Variants in ZNF610 observed in about 807,000 individuals in gnomAD.
The protein encoded by ZNF610 is zink finger protein.
Under a neutral mutation model 14.1 loss-of-function variants are expected in ZNF610, and 14 were observed. The observed-to-expected ratio is 0.99, with a 90% CI of 0.65 to 1.55. The LOEUF is 1.55. ZNF610 is among the 40% of genes most tolerant of loss of function. The pLI is 0.00. For missense variants in ZNF610, 530 were observed against 558.0 expected, an observed-to-expected ratio of 0.95 and a Z score of 0.51; for synonymous variants, 185 against 187.6, an observed-to-expected ratio of 0.99 and a Z score of 0.11.
Position 52,353,778 on chromosome 19 carries a change from T to C in ZNF610, c.160T>C (p.Leu54=), listed in dbSNP as rs747423647. ...GQRALYRDVM[L]ENYRNLVFLG... The stretch of plus-strand genomic sequence containing the variant: ...GAGGGCTTTATACAGGGACGTGATG[T>C]TGGAGAACTACAGGAACCTGGTCTT... Residue 54 remains leucine, a synonymous_variant, in exon 4 of 6, where the codon TTG becomes CTG. Transcript: ENST00000403906. 6 of 1,613,218 alleles carry C rather than the reference T, an allele frequency of 3.7e-6. No homozygotes were observed. In the South Asian group the frequency reaches 6.6e-5, roughly 18 times the overall value.
At chr19:52,361,967 T>C (rs1205713602) in intron 5 of ZNF610, among the ~76,000 whole-genome samples, 2 of 152,204 alleles carry the variant, frequency 1.3e-5, no homozygotes, top group East Asian at 1.9e-4. Context: ...GTCTCCCACA[T>C]TGGAGTGCAG....
upstream of ZNF610, among the ~76,000 whole-genome samples, chr19:52,334,492 A>C (rs1304089867): frequency 6.9e-6 from 1 of 144,362 alleles, no homozygotes. Context: ...CAGCATGGGT[A>C]TTGGAGTGAG....
chr19:52,347,981 T>C (rs148205849), intron 2 of ZNF610, 37 bp downstream of exon 2: 87 of 152,338 alleles, frequency 5.7e-4, no homozygotes, highest in African/African-American at 1.9e-3. Context: ...TTTTTAAACA[T>C]GTATATCATA....
intron 3 of ZNF610, among the ~76,000 whole-genome samples, chr19:52,350,164 A>G (rs1985182083): frequency 6.6e-6 from 1 of 152,172 alleles, no homozygotes; most frequent in Non-Finnish European, 1.5e-5. Flanking sequence ...TGGAAATTAT[A>G]TTCATTCTTG....
At chr19:52,362,306 G>T (rs1398191116) in intron 5 of ZNF610, among the ~76,000 whole-genome samples, 2 of 152,268 alleles carry the variant, frequency 1.3e-5, no homozygotes, top group African/African-American at 4.8e-5. Context: ...AGCCACTGGG[G>T]CGGCTGAGGC....
chr19:52,336,970 A>G (rs886085708), intron 1 of ZNF610, among the ~76,000 whole-genome samples: 1 of 152,080 alleles, frequency 6.6e-6, no homozygotes, highest in African/African-American at 2.4e-5. Context: ...AGTGGCAGGA[A>G]ATAGAAAAAT....
Position 52,366,831 on chromosome 19 carries a change from C to T in ZNF610, c.*64C>T. The T allele has an allele frequency of 1.5e-6, 2 of 1,299,792 alleles. No individual in the cohort carries two copies. Among genetic ancestry groups the T allele is most frequent in the South Asian group, 2.8e-5 (2 of 71,006 alleles). The allele number at this position is 1,299,792 out of a possible 1,614,324, so 80.5% of individuals were successfully genotyped here. On this transcript the variant is annotated 3_prime_UTR_variant, in exon 6 of 6. Transcript: ENST00000403906. ...AACATTGGAGGACTCAGGAGAAAAA[C>T]CTTACAAATATCATAAATGTGGCAA...
At chr19:52,358,476 C>T (rs1312170467) in intron 5 of ZNF610, among the ~76,000 whole-genome samples, 1 of 152,224 alleles carries the variant, frequency 6.6e-6, no homozygotes, top group Non-Finnish European at 1.5e-5. Context: ...GCCACTGCGC[C>T]TGGCCTCCTT....
rs778284593 is a variant in ZNF610, at chr19:52,366,244, A to G, written c.866A>G (p.Lys289Arg). 8 of 1,613,344 alleles carry G rather than the reference A, an allele frequency of 5.0e-6. No individual in the cohort carries two copies. The highest frequency in any genetic ancestry group is 6.8e-6 in the Non-Finnish European group (8 of 1,179,432). Residue 289 changes from lysine (K) to arginine (R), a missense_variant, in exon 6 of 6, where the codon AAA (lysine) becomes AGA (arginine). Lys to Arg is a conservative substitution (Grantham distance 26, BLOSUM62 2). Transcript: ENST00000403906. ...QRIHTGEKPH[K>R]CNECGKAFRE... ...ATTCATACTGGAGAGAAGCCTCACA[A>G]ATGTAACGAATGTGGCAAAGCTTTT... is the stretch of plus-strand genomic sequence containing the variant.
At chr19:52,345,492 G>A (rs1290279444) in intron 1 of ZNF610, 1 of 151,854 alleles carries the variant, frequency 6.6e-6, no homozygotes, top group Non-Finnish European at 1.5e-5. Flanking sequence ...TGGTTCATGA[G>A]GAATGGACGA....
chr19:52,336,928 G>T (rs556247914), intron 1 of ZNF610, among the ~76,000 whole-genome samples: 3 of 152,158 alleles, frequency 2.0e-5, no homozygotes, highest in Non-Finnish European at 2.9e-5. Context: ...GTACTCCCCT[G>T]CCTATGGATG....
chr19:52,359,953 A>T (rs1351741277), intron 5 of ZNF610, among the ~76,000 whole-genome samples: 2 of 152,190 alleles, frequency 1.3e-5, no homozygotes, highest in East Asian at 3.9e-4. Context: ...CCAGTTTATT[A>T]TAAAGGCTAT....
intron 1 of ZNF610, among the ~76,000 whole-genome samples, chr19:52,342,455 G>T (rs1008975879): frequency 6.6e-6 from 1 of 151,146 alleles, no homozygotes; most frequent in Non-Finnish European, 1.5e-5. Context: ...TTGCACAGCC[G>T]ATCACTCCCT....
chr19:52,365,183 G>A (rs1985958958), intron 5 of ZNF610, among the ~76,000 whole-genome samples: 1 of 151,372 alleles, frequency 6.6e-6, no homozygotes. Flanking sequence ...GTTGCAGTGA[G>A]CTGAGGTGGT....
intron 3 of ZNF610, among the ~76,000 whole-genome samples, chr19:52,351,387 T>C (rs1452571783): frequency 1.3e-5 from 2 of 150,790 alleles, no homozygotes; most frequent in African/African-American, 2.4e-5. Flanking sequence ...ACCCGGGAGA[T>C]GGAGTTTGCA....
At chr19:52,360,129 C>T (rs910737061) in intron 5 of ZNF610, among the ~76,000 whole-genome samples, 2 of 152,108 alleles carry the variant, frequency 1.3e-5, no homozygotes, top group Non-Finnish European at 2.9e-5. Flanking sequence ...CTTATTATGT[C>T]AGCATTCTTT....
chr19:52,334,720 G>C (rs1470555971), upstream of ZNF610, among the ~76,000 whole-genome samples: 1 of 151,958 alleles, frequency 6.6e-6, no homozygotes, highest in Admixed American at 6.6e-5. Context: ...CCTGAGGTCA[G>C]GAGTTTGAGA....
At chr19:52,357,387 T>C (rs1022701419) in intron 5 of ZNF610, among the ~76,000 whole-genome samples, 2 of 152,272 alleles carry the variant, frequency 1.3e-5, no homozygotes, top group East Asian at 1.9e-4. Flanking sequence ...GGCTCACGCC[T>C]GTAATCCCAG....
At chr19:52,332,682 C>A (rs538475357), upstream of ZNF610, among the ~76,000 whole-genome samples, 17 of 152,250 alleles carry the variant, frequency 1.1e-4, no homozygotes, top group African/African-American at 3.9e-4. The surrounding 1 kb of genome is among the most constrained non-coding windows in gnomAD (Gnocchi z 4.1). Context: ...GCTGGAGAGC[C>A]CTTAGGACCT....
Sources: gnomAD v4.1 joint callset for allele counts (sites outside exome capture counted in the v4.1 genomes callset) on GRCh38, gnomAD v4.1.1 for gene constraint, Gnocchi (gnomAD v3.1) non-coding constraint, MANE v1.5 for transcripts, NCBI Gene and HGNC (gene_info 2026-07-23, HGNC 2026-07-21) for gene names.